EHD4: variants seen among roughly 807,000 people sequenced by gnomAD.
EHD4 encodes the protein EH domain-containing protein 4.
In EHD4, 37 loss-of-function variants were observed where a neutral mutation model predicts 51.0. The ratio of observed to expected loss-of-function variants is 0.73; its 90% confidence interval spans 0.56 to 0.95. EHD4 has a LOEUF of 0.95. EHD4 is among the 40% of genes least tolerant of loss of function. The probability of loss-of-function intolerance (pLI) is 0.00; values close to 1 mark genes in which losing one functional copy is unlikely to be tolerated. For missense variants in EHD4, 632 were observed against 733.1 expected, an observed-to-expected ratio of 0.86 and a Z score of 1.59; for synonymous variants, 297 against 317.3, an observed-to-expected ratio of 0.94 and a Z score of 0.68.
chr15:41,950,441 C>T (rs974885964), intron 2 of EHD4, among the ~76,000 whole-genome samples: 2 of 152,248 alleles, frequency 1.3e-5, no homozygotes, highest in African/African-American at 4.8e-5. Context: ...ATTTTCTTTA[C>T]TAGGTGTTAC....
chr15:41,951,531 C>T (rs2067852426), intron 2 of EHD4, among the ~76,000 whole-genome samples: 1 of 152,070 alleles, frequency 6.6e-6, no homozygotes, highest in Non-Finnish European at 1.5e-5. Flanking sequence ...CCAATAACCA[C>T]TCTTCCTGGT....
intron 1 of EHD4, among the ~76,000 whole-genome samples, chr15:41,962,295 T>C (rs1238031420): frequency 6.6e-6 from 1 of 152,108 alleles, no homozygotes; most frequent in Non-Finnish European, 1.5e-5. Flanking sequence ...AAAATGAGAA[T>C]TGATAGCATT....
intron 4 of EHD4, among the ~76,000 whole-genome samples, chr15:41,912,151 A>G (rs1440230405): frequency 1.3e-5 from 2 of 152,040 alleles, no homozygotes; most frequent in Non-Finnish European, 2.9e-5. Context: ...CCTGGGGCTG[A>G]TCTTGTGCCA....
At chr15:41,972,208 C>G (rs1423685460) in intron 1 of EHD4, 51 bp downstream of exon 1, 50 of 1,436,962 alleles carry the variant, frequency 3.5e-5, no homozygotes, top group Non-Finnish European at 4.4e-5. Context: ...GCGGCGCACA[C>G]GTGGGGAGGG....
intron 4 of EHD4, among the ~76,000 whole-genome samples, chr15:41,918,676 C>A (rs566678009): frequency 1.3e-5 from 2 of 152,304 alleles, no homozygotes; most frequent in East Asian, 3.9e-4. Context: ...GCGGGGGTGA[C>A]CCAAAACCAG....
intron 1 of EHD4, among the ~76,000 whole-genome samples, chr15:41,957,552 C>G (rs1400189185): frequency 1.3e-5 from 2 of 152,114 alleles, no homozygotes; most frequent in African/African-American, 4.8e-5. Context: ...AGGGTTAGTG[C>G]AGGAACATGG....
chr15:41,909,637 C>T, intron 5 of EHD4, 62 bp downstream of exon 5: 2 of 1,588,514 alleles, frequency 1.3e-6, no homozygotes, highest in Admixed American at 1.7e-5. Context: ...CAGCAAACAG[C>T]CAGACAATGT....
At chr15:41,932,304 C>G (rs534104147) in intron 3 of EHD4, among the ~76,000 whole-genome samples, 1 of 152,168 alleles carries the variant, frequency 6.6e-6, no homozygotes, top group Non-Finnish European at 1.5e-5. Flanking sequence ...CGTGAGTGGG[C>G]GGGTGAGCTG....
chr15:41,953,723 T>C, intron 2 of EHD4, 41 bp downstream of exon 2: 3 of 1,551,802 alleles, frequency 1.9e-6, no homozygotes, highest in Non-Finnish European at 2.6e-6. Flanking sequence ...AAGAAAAGGT[T>C]TAAACAGCCT....
At chr15:41,911,719 C>T (rs1165389170) in intron 4 of EHD4, among the ~76,000 whole-genome samples, 1 of 152,168 alleles carries the variant, frequency 6.6e-6, no homozygotes, top group African/African-American at 2.4e-5. Flanking sequence ...AAGCAGGAGG[C>T]CCCCACAGCT....
At chr15:41,915,341 G>A (rs2067577098) in intron 4 of EHD4, among the ~76,000 whole-genome samples, 1 of 152,210 alleles carries the variant, frequency 6.6e-6, no homozygotes, top group Non-Finnish European at 1.5e-5. Context: ...GTTTCCTGAA[G>A]TGTTGGGATT....
chr15:41,908,110 C>G (rs943903570), intron 5 of EHD4: 1 of 151,954 alleles, frequency 6.6e-6, no homozygotes, highest in African/African-American at 2.4e-5. Flanking sequence ...AGGTGATCTG[C>G]CTGCATCCGC....
chr15:41,906,595 A>C (rs1344413337), intron 5 of EHD4, among the ~76,000 whole-genome samples: 1 of 152,244 alleles, frequency 6.6e-6, no homozygotes, highest in Non-Finnish European at 1.5e-5. Context: ...ACTCAACAGA[A>C]GCAGTGGTGG....
At chr15:41,901,214 T>C in intron 5 of EHD4, 33 bp from the exon 6 acceptor site, 1 of 1,517,110 alleles carries the variant, frequency 6.6e-7, no homozygotes, top group African/African-American at 1.4e-5. Context: ...ATGGGTTACA[T>C]GTGGTCTCTT....
intron 1 of EHD4, among the ~76,000 whole-genome samples, chr15:41,969,393 A>C (rs1226737194): frequency 6.6e-6 from 1 of 152,174 alleles, no homozygotes; most frequent in Non-Finnish European, 1.5e-5. Flanking sequence ...CTAAAAATAC[A>C]AAATTAGCCA....
chr15:41,949,016 C>CTATATATATATATATATATATATA (rs3035677), intron 2 of EHD4, among the ~76,000 whole-genome samples: 25 of 92,456 alleles, frequency 2.7e-4, no homozygotes, highest in Non-Finnish European at 4.4e-4. Flanking sequence ...CAGAGTGAGA[C>CTATATATATATATATATATATATA]TATATATATA....
chr15:41,910,193 C>G (rs1160955978), intron 4 of EHD4, among the ~76,000 whole-genome samples: 1 of 152,190 alleles, frequency 6.6e-6, no homozygotes, highest in East Asian at 1.9e-4. Flanking sequence ...GAGAAAGTTT[C>G]ACCAGGCTGG....
intron 2 of EHD4, among the ~76,000 whole-genome samples, chr15:41,944,057 C>A (rs1183843651): frequency 2.0e-5 from 3 of 152,210 alleles, no homozygotes; most frequent in Admixed American, 2.0e-4. Context: ...ATCCACTCCA[C>A]GGAAGCAGAG....
chr15:41,899,125 T>A lies in EHD4; in HGVS notation c.*1520A>T, dbSNP rs2067459040. On this transcript the variant is annotated 3_prime_UTR_variant, in exon 6 of 6. Transcript: ENST00000220325. ...GTGGGACGGTTCTGATTTCATTCACTTCTGGTGCCAGCAGGCCCCCATACC... is the reference window on the plus strand; with the variant it reads ...GTGGGACGGTTCTGATTTCATTCACATCTGGTGCCAGCAGGCCCCCATACC... The A allele has an allele frequency of 1.3e-5, 2 of 152,164 alleles. No individual in the cohort carries two copies. Among genetic ancestry groups the A allele is most frequent in the Admixed American group, 6.6e-5 (1 of 15,266 alleles). 9.4% of individuals were successfully genotyped at this position (152,164 alleles called of 1,614,324 possible).
Sources: gnomAD v4.1 joint callset for allele counts (sites outside exome capture counted in the v4.1 genomes callset) on GRCh38, gnomAD v4.1.1 for gene constraint, MANE v1.5 for transcripts, NCBI Gene and HGNC (gene_info 2026-07-23, HGNC 2026-07-21) for gene names.